PLCB4: variants seen among roughly 807,000 people sequenced by gnomAD.
PLCB4 encodes phospholipase C beta 4, also known as 1-phosphatidylinositol 4,5-bisphosphate phosphodiesterase beta-4.
In PLCB4, 77 loss-of-function variants were observed where a neutral mutation model predicts 178.8. The ratio of observed to expected loss-of-function variants is 0.43; its 90% CI spans 0.36 to 0.52. The LOEUF is 0.52. Ranked by LOEUF, PLCB4 falls within the 20% of genes least tolerant of loss-of-function variation. PLCB4 has a pLI of 0.00. For synonymous variants in PLCB4, 496 were observed against 490.8 expected, an observed-to-expected ratio of 1.01 and a Z score of -0.14; for missense variants, 1,024 against 1,453.4, an observed-to-expected ratio of 0.70 and a Z score of 4.80.
chr20:9,431,349 A>G (rs1302363297), intron 28 of PLCB4, among the ~76,000 whole-genome samples: 1 of 152,132 alleles, frequency 6.6e-6, no homozygotes, highest in African/African-American at 2.4e-5. Flanking sequence ...GTCCTCTTCT[A>G]AAACCTAAGC....
chr20:9,355,352 G>C (rs2034706649), intron 7 of PLCB4, among the ~76,000 whole-genome samples: 1 of 151,850 alleles, frequency 6.6e-6, no homozygotes, highest in Non-Finnish European at 1.5e-5. Flanking sequence ...GTGCAGGTTA[G>C]TTACATATGT....
At chr20:9,303,521 C>T (rs962533246) in intron 3 of PLCB4, among the ~76,000 whole-genome samples, 1 of 152,088 alleles carries the variant, frequency 6.6e-6, no homozygotes, top group Non-Finnish European at 1.5e-5. Flanking sequence ...AATTTCTTCC[C>T]TTTTTTAAGG....
intron 26 of PLCB4, among the ~76,000 whole-genome samples, chr20:9,420,324 AT>A: frequency 1.3e-5 from 2 of 152,002 alleles, no homozygotes; most frequent in South Asian, 4.2e-4. Context: ...AACTGATCTA[AT>A]TTTACATTTT....
chr20:9,386,731 C>T (rs1199717715), intron 14 of PLCB4, among the ~76,000 whole-genome samples: 1 of 151,852 alleles, frequency 6.6e-6, no homozygotes, highest in East Asian at 1.9e-4. Flanking sequence ...TATATGTATA[C>T]ATGCGCCATG....
intron 2 of PLCB4, among the ~76,000 whole-genome samples, chr20:9,204,442 C>A (rs1414228609): frequency 6.6e-6 from 1 of 151,906 alleles, no homozygotes; most frequent in Non-Finnish European, 1.5e-5. Context: ...CACTGCAAAC[C>A]TCTGCCTCCT....
intron 3 of PLCB4, among the ~76,000 whole-genome samples, chr20:9,272,171 C>G (rs1039432415): frequency 2.0e-5 from 3 of 150,126 alleles, no homozygotes; most frequent in African/African-American, 7.4e-5. Flanking sequence ...GAATAAAACC[C>G]TGCCCACGCA....
intron 2 of PLCB4, among the ~76,000 whole-genome samples, chr20:9,185,625 C>G (rs1391504569): frequency 2.6e-5 from 4 of 152,174 alleles, no homozygotes; most frequent in African/African-American, 7.2e-5. Context: ...AGCCTCCCTG[C>G]TCAGAGCCCT....
intron 30 of PLCB4, among the ~76,000 whole-genome samples, chr20:9,442,626 G>A (rs1471149532): frequency 6.6e-6 from 1 of 152,136 alleles, no homozygotes; most frequent in African/African-American, 2.4e-5. Flanking sequence ...CCCAAATCCT[G>A]TATGTTCATT....
At chr20:9,310,037 TGC>T in intron 4 of PLCB4, among the ~76,000 whole-genome samples, 1 of 152,340 alleles carries the variant, frequency 6.6e-6, no homozygotes, top group Middle Eastern at 3.4e-3. Context: ...AAAGCAAACA[TGC>T]GTCTTCATGA....
intron 7 of PLCB4, among the ~76,000 whole-genome samples, chr20:9,343,308 T>C (rs2033442187): frequency 6.6e-6 from 1 of 152,194 alleles, no homozygotes; most frequent in Non-Finnish European, 1.5e-5. Flanking sequence ...GAACTTAGTG[T>C]CTTTTATACC....
At chr20:9,276,987 A>C (rs1286887192) in intron 3 of PLCB4, among the ~76,000 whole-genome samples, 1 of 152,042 alleles carries the variant, frequency 6.6e-6, no homozygotes, top group Admixed American at 6.6e-5. Flanking sequence ...TCCCTACCCC[A>C]TAACTGCTGA....
intron 35 of PLCB4, among the ~76,000 whole-genome samples, chr20:9,460,653 C>T (rs1053574137): frequency 6.6e-6 from 1 of 152,198 alleles, no homozygotes; most frequent in East Asian, 1.9e-4. Context: ...TTGGTTCTCA[C>T]TTAGTGCCTA....
chr20:9,160,187 T>G (rs1052332070), intron 2 of PLCB4, among the ~76,000 whole-genome samples: 1 of 152,074 alleles, frequency 6.6e-6, no homozygotes, highest in Non-Finnish European at 1.5e-5. Context: ...GCTGGGAGTG[T>G]GGGGGGTGGG....
At chr20:9,115,473 A>C (rs2091744210) in intron 2 of PLCB4, among the ~76,000 whole-genome samples, 1 of 151,548 alleles carries the variant, frequency 6.6e-6, no homozygotes, top group Admixed American at 6.6e-5. Context: ...ACATGTGCAC[A>C]ATGTGCAGGT....
intron 4 of PLCB4, among the ~76,000 whole-genome samples, chr20:9,326,395 G>A (rs2030570141): frequency 6.6e-6 from 1 of 152,102 alleles, no homozygotes; most frequent in African/African-American, 2.4e-5. Context: ...ACCAGAATAA[G>A]CGTTCTCTGT....
intron 7 of PLCB4, among the ~76,000 whole-genome samples, chr20:9,355,621 T>C (rs1445353004): frequency 6.6e-6 from 1 of 151,754 alleles, no homozygotes; most frequent in African/African-American, 2.4e-5. Context: ...ACAAAGGACA[T>C]GAACTCATCA....
At chr20:9,082,691 T>C (rs1400544950) in intron 1 of PLCB4, among the ~76,000 whole-genome samples, 2 of 152,124 alleles carry the variant, frequency 1.3e-5, no homozygotes, top group Non-Finnish European at 2.9e-5. Flanking sequence ...TTCCTTTTAT[T>C]TAGAGACTTT....
chr20:9,405,244 T>G, intron 20 of PLCB4, 69 bp from the exon 21 acceptor site: 2 of 754,830 alleles, frequency 2.6e-6, no homozygotes, highest in Non-Finnish European at 4.5e-6. Flanking sequence ...TATCTATGTA[T>G]GTATGGCTAA....
At chr20:9,184,230 A>G (rs1568912251) in intron 2 of PLCB4, among the ~76,000 whole-genome samples, 1 of 152,190 alleles carries the variant, frequency 6.6e-6, no homozygotes, top group South Asian at 2.1e-4. Flanking sequence ...TATTGTGGTC[A>G]TGGGAAAAAA....
Sources: allele counts gnomAD v4.1 joint callset (sites outside exome capture counted in the v4.1 genomes callset), GRCh38; gene constraint gnomAD v4.1.1; transcripts MANE v1.5; gene names NCBI Gene and HGNC (gene_info 2026-07-23, HGNC 2026-07-21).